The following CDH11 variants were observed in gnomAD, a reference collection of about 807,000 sequenced individuals.
The protein encoded by CDH11 is cadherin 11, also known as cadherin-11.
In CDH11, 11 loss-of-function variants were observed where a neutral mutation model predicts 67.8. The observed-to-expected ratio is 0.16, with a 90% confidence interval of 0.10 to 0.27. The LOEUF (loss-of-function observed/expected upper bound fraction) is 0.27, where lower values mean the gene tolerates loss of function less well. CDH11 is among the 10% of genes least tolerant of loss of function. The pLI, the probability that CDH11 is intolerant of heterozygous loss-of-function variation, is 1.00. For synonymous variants in CDH11, 419 were observed against 400.0 expected, an observed-to-expected ratio of 1.05 and a Z score of -0.57; for missense variants, 847 against 1,031.2, an observed-to-expected ratio of 0.82 and a Z score of 2.45.
rs149888189 is a variant in CDH11 at position 64,963,477 on chromosome 16, T to C, written c.1642+8102A>G. Among the ~76,000 whole-genome samples the C allele has an allele frequency of 9.0e-4, 137 of 152,192 alleles. 1 individual carries two copies. Among genetic ancestry groups the C allele is most frequent in the African/African-American group, 2.9e-3 (119 of 41,538 alleles). On this transcript the variant is annotated intron_variant, in intron 11 of 12. Transcript: ENST00000268603. ...AACTGTGAAACTATAAAAGGTGTAA[T>C]ATATATGTGATGATAATACCAGAAA...
intron 8 of CDH11, among the ~76,000 whole-genome samples, chr16:64,978,678 A>C (rs1209552513): frequency 2.6e-5 from 4 of 152,232 alleles, no homozygotes; most frequent in African/African-American, 9.7e-5. Context: ...AAGATCATTC[A>C]ATTAAGACAA....
intron 1 of CDH11, among the ~76,000 whole-genome samples, chr16:65,062,256 T>C (rs943455783): frequency 6.6e-6 from 1 of 152,190 alleles, no homozygotes; most frequent in African/African-American, 2.4e-5. Flanking sequence ...AGACAGTCTC[T>C]TACATTTTAC....
intron 6 of CDH11, 180 bp downstream of exon 6, chr16:64,991,588 C>T (rs368674156): frequency 7.5e-5 from 39 of 523,438 alleles, no homozygotes; most frequent in South Asian, 6.3e-4. Flanking sequence ...CTCTACTCCC[C>T]GACATTGTTG....
chr16:65,095,294 C>T (rs917306090), intron 1 of CDH11, among the ~76,000 whole-genome samples: 21 of 152,120 alleles, frequency 1.4e-4, no homozygotes, highest in African/African-American at 5.1e-4. Context: ...GTATGGCCAA[C>T]CAACCACATC....
chr16:64,967,283 T>A (rs923447376), intron 11 of CDH11, among the ~76,000 whole-genome samples: 2 of 152,104 alleles, frequency 1.3e-5, no homozygotes, highest in African/African-American at 4.8e-5. Context: ...AGTGGCGTGA[T>A]CTCAGCTCAC....
chr16:64,997,403 CT>C (rs1376106753), intron 4 of CDH11, among the ~76,000 whole-genome samples: 6 of 149,756 alleles, frequency 4.0e-5, no homozygotes, highest in African/African-American at 1.5e-4. Flanking sequence ...AAAAAAAAGC[CT>C]GAATTTTATC....
At position 64,947,473 on chromosome 16, in the gene CDH11, A is replaced by G; in HGVS notation, c.*130T>C. On this transcript the variant is annotated 3_prime_UTR_variant, in exon 13 of 13. Transcript: ENST00000268603. ...ATGTCCTCGCAGTTTTATTAAATGT[A>G]TCCTCTCTGTAAAACTTTGCCTGTT... 6.7e-7 allele frequency: 1 copy of G among 1,489,894 alleles called. No individual in the cohort carries two copies. Among genetic ancestry groups the G allele is most frequent in the Non-Finnish European group, 8.9e-7 (1 of 1,121,684 alleles). The allele number at this position is 1,489,894 out of a possible 1,614,324, so 92.3% of individuals were successfully genotyped here.
At position 64,947,775 on chromosome 16, in the gene CDH11, A is replaced by G; in HGVS notation, c.2219T>C (p.Ile740Thr). ...CCTGCCTTCATAACCGTAGATTTGAATGGAGTCATAAGGAGGAGCCGTGGG... is the reference window on the plus strand; with the variant it reads ...CCTGCCTTCATAACCGTAGATTTGAGTGGAGTCATAAGGAGGAGCCGTGGG... ...NDPTAPPYDS[I>T]QIYGYEGRGS... The change falls in exon 13 of 13, where the codon ATT (isoleucine) becomes ACT (threonine). Residue 740 changes from isoleucine to threonine, a missense_variant. Physicochemically the swap from Ile to Thr is moderately conservative, Grantham distance 89. Coordinates refer to ENST00000268603, the MANE Select transcript of CDH11 (RefSeq NM_001797.4). The G allele has an allele frequency of 6.2e-7, 1 of 1,614,162 alleles. No homozygotes were observed. The highest frequency in any genetic ancestry group is 1.1e-5 in the South Asian group (1 of 91,080).
At chr16:65,023,288 G>T (rs558371871) in intron 2 of CDH11, among the ~76,000 whole-genome samples, 7 of 152,142 alleles carry the variant, frequency 4.6e-5, no homozygotes, top group Non-Finnish European at 1.0e-4. Flanking sequence ...TAAAAGTAGC[G>T]AGTTGAATCT....
At chr16:65,026,372 T>C (rs1198142328) in intron 2 of CDH11, among the ~76,000 whole-genome samples, 2 of 152,134 alleles carry the variant, frequency 1.3e-5, no homozygotes, top group Admixed American at 6.5e-5. Context: ...ATGCCCAAAA[T>C]GGAATTTGAA....
At chr16:65,117,397 C>A (rs999183714) in intron 1 of CDH11, among the ~76,000 whole-genome samples, 2 of 152,170 alleles carry the variant, frequency 1.3e-5, no homozygotes, top group African/African-American at 4.8e-5. Context: ...TCCTCCTGAA[C>A]TTTCATGACA....
At chr16:65,089,151 A>T (rs1273629011) in intron 1 of CDH11, among the ~76,000 whole-genome samples, 1 of 152,116 alleles carries the variant, frequency 6.6e-6, no homozygotes, top group Non-Finnish European at 1.5e-5. Context: ...ACCTGTTATA[A>T]TAACCAAGGT....
chr16:65,031,635 C>T lies in CDH11; in HGVS notation c.-173+22169G>A, dbSNP rs114572719. Among the ~76,000 whole-genome samples the T allele has an allele frequency of 2.4e-3, 360 of 152,198 alleles. 1 individual carries two copies. The highest frequency in any genetic ancestry group is 8.3e-3 in the African/African-American group (346 of 41,522). On this transcript the variant is annotated intron_variant, in intron 2 of 12. Coordinates refer to ENST00000268603, the MANE Select transcript of CDH11 (RefSeq NM_001797.4). ...TTCAGGTAACCACAGGATTTTGGAA[C>T]TGTGAAAACACAGGGCTTGCTCAAG...
At chr16:65,035,837 T>G (rs990639) in intron 2 of CDH11, among the ~76,000 whole-genome samples, 42,055 of 152,094 alleles carry the variant, frequency 0.28, 6,591 homozygotes, top group Non-Finnish European at 0.37. Flanking sequence ...AGATGAAGGC[T>G]GCTATCTGAG....
rs528925920 is a variant in CDH11 at position 65,059,089 on chromosome 16, T to C, written c.-297-5161A>G. Among the ~76,000 whole-genome samples the C allele has an allele frequency of 4.6e-5, 7 of 152,340 alleles. No homozygotes were observed. In the East Asian group the frequency reaches 9.7e-4, roughly 21 times the overall value. Reference sequence around the variant, plus strand: ...TAATTAATAATAATCTATAAGCATTTTGCAAAATTTTTTTTTCAGATGAGG... The same window carrying C: ...TAATTAATAATAATCTATAAGCATTCTGCAAAATTTTTTTTTCAGATGAGG... On this transcript the variant is annotated intron_variant, in intron 1 of 12. Transcript: ENST00000268603.
intron 11 of CDH11, among the ~76,000 whole-genome samples, chr16:64,954,624 G>A (rs1240646566): frequency 6.6e-6 from 1 of 152,176 alleles, no homozygotes; most frequent in Admixed American, 6.5e-5. Flanking sequence ...TAGGAGACGT[G>A]TCTAGCAGCC....
At chr16:64,950,200 A>G (rs1026744453) in intron 12 of CDH11, among the ~76,000 whole-genome samples, 1 of 152,142 alleles carries the variant, frequency 6.6e-6, no homozygotes, top group Non-Finnish European at 1.5e-5. Flanking sequence ...AAGCAGGGGT[A>G]GGTGCAGGAA....
intron 1 of CDH11, among the ~76,000 whole-genome samples, chr16:65,057,743 G>A (rs928083307): frequency 4.6e-5 from 7 of 152,266 alleles, no homozygotes; most frequent in East Asian, 1.9e-4. Flanking sequence ...GAGTTACTCC[G>A]TTTTACAGAT....
upstream of CDH11, among the ~76,000 whole-genome samples, chr16:65,122,998 T>A (rs1187003284): frequency 1.3e-5 from 2 of 151,970 alleles, no homozygotes; most frequent in Non-Finnish European, 2.9e-5. Context: ...AGCGCCGGAG[T>A]CCTAGCTCCT....
Sources: gnomAD v4.1 joint callset for allele counts (sites outside exome capture counted in the v4.1 genomes callset) on GRCh38, gnomAD v4.1.1 for gene constraint, MANE v1.5 for transcripts, NCBI Gene and HGNC (gene_info 2026-07-23, HGNC 2026-07-21) for gene names.